CAST: variants seen among roughly 807,000 people sequenced by gnomAD.
CAST encodes the protein MIR583 host.
Under a neutral mutation model 119.6 loss-of-function variants are expected in CAST, and 76 were observed. The observed-to-expected ratio is 0.64, with a 90% CI of 0.53 to 0.77. CAST has a LOEUF of 0.77. Among genes scored for constraint, CAST ranks in the 30% least tolerant of loss-of-function variants. The pLI is 0.00. For missense variants in CAST, 953 were observed against 946.5 expected (o/e 1.01, Z -0.09); for synonymous variants, 319 against 331.6 (o/e 0.96, Z 0.41).
the CAST span, among the ~76,000 whole-genome samples, chr5:96,328,587 C>A: frequency 6.6e-6 from 1 of 152,166 alleles, no homozygotes; most frequent in African/African-American, 2.4e-5. Flanking sequence ...CTTTCTCACT[C>A]GCTCACTGCA....
chr5:96,461,037 C>T, the CAST span, among the ~76,000 whole-genome samples: 1 of 152,130 alleles, frequency 6.6e-6, no homozygotes, highest in African/African-American at 2.4e-5. Context: ...TTGCCTCCTC[C>T]TCCAGCTTCC....
the CAST span, among the ~76,000 whole-genome samples, chr5:96,218,396 T>G: frequency 6.6e-6 from 1 of 152,238 alleles, no homozygotes; most frequent in Admixed American, 6.5e-5. Flanking sequence ...CATTTATTCA[T>G]GCTATGGCAT....
upstream of CAST, among the ~76,000 whole-genome samples, chr5:96,661,203 C>G (rs1748382334): frequency 6.9e-6 from 1 of 144,498 alleles, no homozygotes; most frequent in Non-Finnish European, 1.5e-5. Context: ...CACTTGAGGT[C>G]AGGTGTTGTT....
At chr5:96,677,870 T>C (rs1000920205) in intron 2 of CAST, among the ~76,000 whole-genome samples, 2 of 152,220 alleles carry the variant, frequency 1.3e-5, no homozygotes, top group Non-Finnish European at 2.9e-5. Flanking sequence ...CCTTAAATTC[T>C]GCCTGTATGT....
chr5:96,108,275 G>C, the CAST span, among the ~76,000 whole-genome samples: 5 of 145,612 alleles, frequency 3.4e-5, no homozygotes, highest in East Asian at 6.0e-4. Flanking sequence ...GAGGAACTGC[G>C]TTCCTTTGGA....
the CAST span, among the ~76,000 whole-genome samples, chr5:96,212,233 G>C: frequency 6.6e-6 from 1 of 151,956 alleles, no homozygotes; most frequent in Non-Finnish European, 1.5e-5. Context: ...ACTGATTTCA[G>C]ACTGTTTCTC....
chr5:96,407,748 T>A, the CAST span, among the ~76,000 whole-genome samples: 2 of 152,216 alleles, frequency 1.3e-5, no homozygotes, highest in Non-Finnish European at 2.9e-5. Context: ...TGTCCCCTGA[T>A]GTGGTTATAT....
At chr5:96,618,552 G>A (rs779209810) in intron 1 of CAST, among the ~76,000 whole-genome samples, 2 of 152,240 alleles carry the variant, frequency 1.3e-5, no homozygotes, top group African/African-American at 2.4e-5. Context: ...CATGGCGCTC[G>A]CGAGCTAGCG....
the CAST span, among the ~76,000 whole-genome samples, chr5:96,025,293 C>T: frequency 6.6e-6 from 1 of 152,026 alleles, no homozygotes; most frequent in Non-Finnish European, 1.5e-5. Context: ...TACAGATGAT[C>T]GTCTTCTCTT....
At chr5:96,468,909 A>C in the CAST span, among the ~76,000 whole-genome samples, 1 of 152,100 alleles carries the variant, frequency 6.6e-6, no homozygotes. Context: ...GATCTCGTCT[A>C]AAATAGTTGC....
the CAST span, among the ~76,000 whole-genome samples, chr5:96,080,002 G>A: frequency 6.6e-6 from 1 of 152,122 alleles, no homozygotes; most frequent in Admixed American, 6.5e-5. Flanking sequence ...AAGTATATTT[G>A]TAGTATATCT....
rs759151369 is a variant in CAST, at chr5:96,762,277, T to C, written c.1837T>C (p.Phe613Leu). The C allele has an allele frequency of 1.7e-5, 27 of 1,601,162 alleles. No homozygotes were observed. The Admixed American group carries it at 3.6e-4, about 21-fold the overall frequency. The part of the protein sequence containing the change: ...SGPQNASSLK[F>L]EDAKLAAAIS... ...ATAAAATTTTTTTCAATAAAAGAAA[T>C]TTGAAGATGCTAAACTTGCTGCTGC... is the stretch of plus-strand genomic sequence containing the variant. The change falls in exon 25 of 32, where the codon TTT (phenylalanine) becomes CTT (leucine). Residue 613 changes from phenylalanine to leucine, a missense_variant. Coordinates refer to ENST00000675179, the MANE Select transcript of CAST (RefSeq NM_001750.7).
rs189555658 is a variant in CAST, at chr5:96,675,440, G to A, written c.76-99G>A. On this transcript the variant is annotated intron_variant, in intron 1 of 31. Transcript: ENST00000675179. ...TCTCAGGAGGAAGATTAAAGTGGTCGTTTTTTAAAAAAGGGTATGCATTTA... is the reference window on the plus strand; with the variant it reads ...TCTCAGGAGGAAGATTAAAGTGGTCATTTTTTAAAAAAGGGTATGCATTTA... 5,395 of 807,278 alleles carry A rather than the reference G, an allele frequency of 6.7e-3. 162 individuals are homozygous for A. In the Admixed American group the frequency reaches 0.072, roughly 11 times the overall value. The allele number at this position is 807,278 out of a possible 1,614,324, so 50.0% of individuals were successfully genotyped here. A position where few individuals can be genotyped will look rare whatever the true frequency, so the allele number is the denominator to read the frequency against.
At chr5:96,754,820 G>T in intron 22 of CAST, 79 bp downstream of exon 22, 1 of 811,336 alleles carries the variant, frequency 1.2e-6, no homozygotes, top group Non-Finnish European at 2.1e-6. Context: ...CTTGGGAACA[G>T]AACTGGAATA....
At chr5:96,616,764 A>G (rs991642299) in intron 1 of CAST, among the ~76,000 whole-genome samples, 9 of 145,558 alleles carry the variant, frequency 6.2e-5, no homozygotes, top group African/African-American at 2.5e-4. Context: ...ACACACACAC[A>G]CACACACACA....
chr5:96,232,843 A>G, the CAST span, among the ~76,000 whole-genome samples: 1 of 150,380 alleles, frequency 6.6e-6, no homozygotes, highest in Non-Finnish European at 1.5e-5. Flanking sequence ...AAAAGTATTA[A>G]TTTACTCCAA....
At chr5:96,578,232 AT>A (rs1423110118) in intron 1 of CAST, among the ~76,000 whole-genome samples, 1 of 152,016 alleles carries the variant, frequency 6.6e-6, no homozygotes, top group African/African-American at 2.4e-5. Flanking sequence ...TCAGATATAA[AT>A]ATAGCCAATT....
At chr5:96,571,197 C>A (rs905270324) in intron 1 of CAST, among the ~76,000 whole-genome samples, 1 of 152,154 alleles carries the variant, frequency 6.6e-6, no homozygotes, top group Admixed American at 6.5e-5. Context: ...CTTATTCCAG[C>A]TCCAAACCCT....
the CAST span, among the ~76,000 whole-genome samples, chr5:96,016,199 C>T: frequency 6.6e-6 from 1 of 152,226 alleles, no homozygotes; most frequent in East Asian, 1.9e-4. Flanking sequence ...GCCTCACAAT[C>T]ATGTACGCCA....
Sources: gnomAD v4.1 joint callset for allele counts (sites outside exome capture counted in the v4.1 genomes callset) on GRCh38, gnomAD v4.1.1 for gene constraint, MANE v1.5 for transcripts, NCBI Gene and HGNC (gene_info 2026-07-23, HGNC 2026-07-21) for gene names.